XRN2: variants seen among roughly 807,000 people sequenced by gnomAD.
XRN2 encodes 5'-3' exoribonuclease 2.
Under a neutral mutation model 138.5 loss-of-function variants are expected in XRN2, and 44 were observed. The observed-to-expected ratio is 0.32, with a 90% CI of 0.25 to 0.41. The LOEUF (loss-of-function observed/expected upper bound fraction) is 0.41, where lower values mean the gene tolerates loss of function less well. XRN2 is among the 10% of genes least tolerant of loss of function. XRN2 has a pLI of 1.00. For synonymous variants in XRN2, 354 were observed against 369.4 expected (o/e 0.96, Z 0.48); for missense variants, 937 against 1,169.3 (o/e 0.80, Z 2.90).
At chr20:21,318,956 A>C (rs968252211) in intron 1 of XRN2, among the ~76,000 whole-genome samples, 1 of 151,970 alleles carries the variant, frequency 6.6e-6, no homozygotes, top group African/African-American at 2.4e-5. Flanking sequence ...ATCTGTTTTC[A>C]TGTTGATCTT....
chr20:21,317,162 T>C (rs2037970935), intron 1 of XRN2, among the ~76,000 whole-genome samples: 1 of 152,238 alleles, frequency 6.6e-6, no homozygotes, highest in East Asian at 1.9e-4. Flanking sequence ...CTTTGTCTTA[T>C]TCCTCATTTT....
At chr20:21,311,116 T>C (rs956185229) in intron 1 of XRN2, among the ~76,000 whole-genome samples, 2 of 152,186 alleles carry the variant, frequency 1.3e-5, no homozygotes, top group Non-Finnish European at 2.9e-5. Context: ...AAAACATACA[T>C]AAAATTACCA....
chr20:21,326,734 G>T, intron 3 of XRN2, 133 bp downstream of exon 3: 2 of 710,686 alleles, frequency 2.8e-6, no homozygotes, highest in Non-Finnish European at 4.6e-6. Context: ...TCATCCTTCA[G>T]TCATTCATTC....
chr20:21,375,607 C>T (rs866826924), intron 27 of XRN2, among the ~76,000 whole-genome samples: 6 of 150,868 alleles, frequency 4.0e-5, no homozygotes, highest in Admixed American at 6.6e-5. Flanking sequence ...AGGGCTTTTC[C>T]AATAATCTTT....
chr20:21,354,832 T>C lies in XRN2; in HGVS notation c.1980T>C (p.Ala660=), dbSNP rs1416354055. The part of the protein sequence containing the change: ...LPFVDERRLR[A]ALEEVYPDLT... ...TCGTGGATGAGCGAAGGCTACGAGC[T>C]GCCCTAGAAGAGGTATACCCAGACC... is the stretch of plus-strand genomic sequence containing the variant. The change falls in exon 21 of 30, where the codon GCT becomes GCC. Residue 660 remains alanine (A), a synonymous_variant. Coordinates refer to ENST00000377191, the MANE Select transcript of XRN2 (RefSeq NM_012255.5). 4.3e-6 allele frequency: 7 copies of C among 1,613,912 alleles called. No homozygotes were observed. Among genetic ancestry groups the C allele is most frequent in the Non-Finnish European group, 5.9e-6 (7 of 1,179,968 alleles).
At chr20:21,332,581 A>G (rs2033334818) in intron 9 of XRN2, 141 bp downstream of exon 9, 1 of 858,010 alleles carries the variant, frequency 1.2e-6, no homozygotes, top group African/African-American at 1.7e-5. Context: ...TTGTTTTTAA[A>G]ATGGATGAAG....
Position 21,331,580 on chromosome 20 carries a change from G to C in XRN2, c.596G>C (p.Ser199Thr). The C allele has an allele frequency of 2.5e-6, 4 of 1,612,156 alleles. No individual in the cohort carries two copies. The highest frequency in any genetic ancestry group is 3.4e-6 in the Non-Finnish European group (4 of 1,179,654). The change falls in exon 7 of 30, where the codon AGT becomes ACT. Residue 199 changes from serine to threonine, a missense_variant. Transcript: ENST00000377191. ...KNLTVILSDASAPGEGEHKIM... is the reference protein window; with the variant it reads ...KNLTVILSDATAPGEGEHKIM... ...TTATAGGTTATTTTATCTGATGCTA[G>C]TGCTCCTGGTGAAGGAGAACATAAA...
intron 21 of XRN2, among the ~76,000 whole-genome samples, chr20:21,355,178 CT>C (rs1335220705): frequency 2.0e-5 from 3 of 152,110 alleles, no homozygotes. Context: ...TATCTTTTGC[CT>C]GTTGGGAAGA....
chr20:21,340,916 G>C (rs2038364146), intron 15 of XRN2, 64 bp downstream of exon 15: 2 of 1,565,172 alleles, frequency 1.3e-6, no homozygotes, highest in Admixed American at 3.5e-5. Flanking sequence ...TTGCAGGGGT[G>C]GTGTGTGTGT....
chr20:21,331,892 G>T, intron 8 of XRN2, 74 bp downstream of exon 8: 1 of 1,514,580 alleles, frequency 6.6e-7, no homozygotes, highest in Non-Finnish European at 9.0e-7. Flanking sequence ...TGCAGTAATG[G>T]ATTATTCATG....
At chr20:21,377,520 A>G (rs1268037694) in intron 27 of XRN2, among the ~76,000 whole-genome samples, 1 of 149,100 alleles carries the variant, frequency 6.7e-6, no homozygotes. Flanking sequence ...AGCCTCCCAA[A>G]GTGTTGGGAT....
chr20:21,361,775 T>C (rs1406758585), intron 24 of XRN2, among the ~76,000 whole-genome samples: 1 of 152,266 alleles, frequency 6.6e-6, no homozygotes, highest in Non-Finnish European at 1.5e-5. Flanking sequence ...GCTTAGTCTG[T>C]GTGTTTGACT....
intron 1 of XRN2, among the ~76,000 whole-genome samples, chr20:21,316,111 G>A (rs145762667): frequency 2.0e-5 from 3 of 152,166 alleles, no homozygotes; most frequent in African/African-American, 7.2e-5. Context: ...AAAATTAGCC[G>A]GGTGTGGTGG....
intron 3 of XRN2, among the ~76,000 whole-genome samples, chr20:21,327,893 A>G (rs2038149357): frequency 6.6e-6 from 1 of 152,182 alleles, no homozygotes; most frequent in Admixed American, 6.5e-5. Context: ...TAACTTCGAA[A>G]ATCTTACAAT....
chr20:21,303,807 C>T (rs983925290), intron 1 of XRN2: 3 of 1,083,744 alleles, frequency 2.8e-6, no homozygotes, highest in South Asian at 3.8e-5. Flanking sequence ...TTTTGGGTCT[C>T]GGAAGAGGTT....
intron 27 of XRN2, among the ~76,000 whole-genome samples, chr20:21,377,360 G>A (rs1191412146): frequency 1.5e-5 from 2 of 135,056 alleles, no homozygotes; most frequent in Non-Finnish European, 3.0e-5. Flanking sequence ...AGGTTCAAGT[G>A]ATTCTCCTGC....
chr20:21,321,908 T>G (rs1466257238), intron 1 of XRN2, among the ~76,000 whole-genome samples: 2 of 152,222 alleles, frequency 1.3e-5, no homozygotes, highest in South Asian at 2.1e-4. Context: ...CCTTGCCTAT[T>G]TTGTATCCTC....
intron 24 of XRN2, among the ~76,000 whole-genome samples, chr20:21,361,727 A>C (rs1474294846): frequency 6.6e-6 from 1 of 152,208 alleles, no homozygotes; most frequent in Non-Finnish European, 1.5e-5. Flanking sequence ...GATCCATATA[A>C]AAAGTTACCT....
intron 27 of XRN2, among the ~76,000 whole-genome samples, chr20:21,376,169 G>A (rs1485893552): frequency 6.6e-6 from 1 of 152,024 alleles, no homozygotes; most frequent in Non-Finnish European, 1.5e-5. Flanking sequence ...GTTCTTGGCC[G>A]GGTGCAGTGG....
Sources: allele counts gnomAD v4.1 joint callset (sites outside exome capture counted in the v4.1 genomes callset), GRCh38; gene constraint gnomAD v4.1.1; transcripts MANE v1.5; gene names NCBI Gene and HGNC (gene_info 2026-07-23, HGNC 2026-07-21).